POU6F2: variants seen among roughly 807,000 people sequenced by gnomAD.
POU6F2 encodes POU domain, class 6, transcription factor 2.
POU6F2 carries 31 observed loss-of-function variants against 71.3 expected under a neutral mutation model. The ratio of observed to expected loss-of-function variants is 0.43; its 90% CI spans 0.33 to 0.59. The LOEUF is 0.59. Ranked by LOEUF, POU6F2 falls within the 20% of genes least tolerant of loss-of-function variation. The pLI, the probability that POU6F2 is intolerant of heterozygous loss-of-function variation, is 0.04. For synonymous variants in POU6F2, 347 were observed against 355.7 expected, an observed-to-expected ratio of 0.98 and a Z score of 0.27; for missense variants, 783 against 856.8, an observed-to-expected ratio of 0.91 and a Z score of 1.07.
At chr7:38,994,374 C>G (rs1788682839) in intron 1 of POU6F2, among the ~76,000 whole-genome samples, 1 of 152,056 alleles carries the variant, frequency 6.6e-6, no homozygotes, top group African/African-American at 2.4e-5. Context: ...GGAATTGATT[C>G]TGCAGGTCCC....
At chr7:39,264,554 C>T (rs766749189) in intron 4 of POU6F2, among the ~76,000 whole-genome samples, 5 of 152,160 alleles carry the variant, frequency 3.3e-5, no homozygotes, top group East Asian at 1.9e-4. Context: ...AACCTGGCCA[C>T]TCAGTCCTCT....
intron 7 of POU6F2, among the ~76,000 whole-genome samples, chr7:39,448,198 C>T (rs1347985245): frequency 2.0e-5 from 3 of 152,134 alleles, no homozygotes; most frequent in Non-Finnish European, 2.9e-5. Context: ...TAAGGAAAGA[C>T]GTTATGAAGG....
At chr7:39,322,776 A>C (rs1341841525) in intron 4 of POU6F2, among the ~76,000 whole-genome samples, 1 of 152,246 alleles carries the variant, frequency 6.6e-6, no homozygotes, top group Non-Finnish European at 1.5e-5. Flanking sequence ...ATATATTTTC[A>C]AGAAAGGAAC....
At chr7:39,397,946 G>A (rs1369032118) in intron 5 of POU6F2, among the ~76,000 whole-genome samples, 2 of 151,532 alleles carry the variant, frequency 1.3e-5, no homozygotes, top group Non-Finnish European at 2.9e-5. Context: ...AGCCTCCCAA[G>A]TAGCTGGGAT....
In POU6F2 at chr7:39,200,835, T is replaced by C. The variant is rs567855427; in HGVS notation, c.278-3400T>C. Among the ~76,000 whole-genome samples the C allele has an allele frequency of 1.6e-4, 24 of 147,926 alleles. No homozygotes were observed. The Admixed American group carries it at 1.6e-3, about 10-fold the overall frequency. ...GACCAGTATGGGCAATGGAGTGAGA[T>C]GATTTCTGTACCAACAAGAAAAAAA... On this transcript the variant is annotated intron_variant, in intron 2 of 9. Coordinates refer to ENST00000518318, the MANE Select transcript of POU6F2 (RefSeq NM_001370959.1).
At chr7:39,362,647 G>A (rs574609513) in intron 5 of POU6F2, among the ~76,000 whole-genome samples, 1 of 152,202 alleles carries the variant, frequency 6.6e-6, no homozygotes, top group East Asian at 1.9e-4. Context: ...GCTAGGGCAG[G>A]AATCAAACAT....
chr7:39,391,881 AACATTGTGATAG>A (rs1276514082), intron 5 of POU6F2, among the ~76,000 whole-genome samples: 4 of 152,204 alleles, frequency 2.6e-5, no homozygotes, highest in Non-Finnish European at 5.9e-5. Flanking sequence ...CCTAGGATAG[AACATTGTGATAG>A]CTCTGATCAT....
At chr7:39,004,190 T>C (rs988439258) in intron 1 of POU6F2, among the ~76,000 whole-genome samples, 6 of 152,164 alleles carry the variant, frequency 3.9e-5, no homozygotes, top group Non-Finnish European at 5.9e-5. Flanking sequence ...AAATAACAAA[T>C]AAGAGCCTCC....
chr7:39,250,313 A>C (rs1006867536), intron 4 of POU6F2, among the ~76,000 whole-genome samples: 1 of 152,094 alleles, frequency 6.6e-6, no homozygotes. Context: ...GGTTTTCTCC[A>C]GGTTGTTTTT....
rs975146937 is a variant in POU6F2 at position 39,087,124 on chromosome 7, C to T, written c.277+1093C>T. On this transcript the variant is annotated intron_variant, in intron 2 of 9. Coordinates refer to ENST00000518318, the MANE Select transcript of POU6F2 (RefSeq NM_001370959.1). ...TACTTTGTTAAGAAAGTCAGCAATT[C>T]GGCTTGAAACACAGGCTTTATTAAT... is the stretch of plus-strand genomic sequence containing the variant. Among the ~76,000 whole-genome samples, 34 of 149,356 alleles carry T rather than the reference C, an allele frequency of 2.3e-4. 1 individual carries two copies. Among genetic ancestry groups the T allele is most frequent in the Admixed American group, 1.0e-3 (15 of 14,940 alleles).
At position 39,406,719 on chromosome 7, in the gene POU6F2, A is replaced by C. The variant is rs1308789081; in HGVS notation, c.1092A>C (p.Leu364=). 4 of 1,613,640 alleles carry C rather than the reference A, an allele frequency of 2.5e-6. No homozygotes were observed. The Admixed American group carries it at 5.0e-5, about 20-fold the overall frequency. Residue 364 remains leucine (L), a synonymous_variant, in exon 6 of 10, where the codon CTA becomes CTC. Coordinates refer to ENST00000518318, the MANE Select transcript of POU6F2 (RefSeq NM_001370959.1). ...GTCTTCAGGGGGTCACAGGTCAACT[A>C]GTTACTAATGCACAAGGACAGGTGA... ...LSSLQGVTGQ[L]VTNAQGQIIG...
chr7:39,175,156 C>T (rs1793303483), intron 2 of POU6F2, among the ~76,000 whole-genome samples: 1 of 152,018 alleles, frequency 6.6e-6, no homozygotes, highest in African/African-American at 2.4e-5. Flanking sequence ...CTTTTCTGTC[C>T]TCTATTTTTC....
chr7:39,445,850 ACATAACAGATC>A (rs1788511358), intron 7 of POU6F2, among the ~76,000 whole-genome samples: 1 of 152,164 alleles, frequency 6.6e-6, no homozygotes, highest in African/African-American at 2.4e-5. Flanking sequence ...TTTTGTCTAG[ACATAACAGATC>A]CACTTGCTCT....
At chr7:39,022,291 A>T (rs570444170) in intron 1 of POU6F2, among the ~76,000 whole-genome samples, 12 of 152,174 alleles carry the variant, frequency 7.9e-5, no homozygotes, top group Admixed American at 5.9e-4. Flanking sequence ...CTCAAAATTC[A>T]CTAAAATGAA....
At chr7:39,285,808 A>G (rs1415222662) in intron 4 of POU6F2, among the ~76,000 whole-genome samples, 2 of 152,136 alleles carry the variant, frequency 1.3e-5, no homozygotes, top group Non-Finnish European at 2.9e-5. Context: ...ATGTTCCCCC[A>G]TCTGTCAGCT....
Position 39,464,999 on chromosome 7 carries a change from C to G in POU6F2, c.*313C>G. ...CCCCCAAAGCCAGTTTTTTAATGGA[C>G]TTAAAGCAAACCAAATAACCACGTA... On this transcript the variant is annotated 3_prime_UTR_variant, in exon 10 of 10. Coordinates refer to ENST00000518318, the MANE Select transcript of POU6F2 (RefSeq NM_001370959.1). The surrounding 1 kb of genome is among the most constrained non-coding windows in gnomAD (Gnocchi z 4.1). The G allele has an allele frequency of 3.6e-6, 1 of 279,306 alleles. No homozygotes were observed. Among genetic ancestry groups the G allele is most frequent in the Admixed American group, 4.7e-5 (1 of 21,398 alleles). 17.3% of individuals were successfully genotyped at this position (279,306 alleles called of 1,614,324 possible).
At chr7:39,434,522 A>G (rs150103241) in intron 7 of POU6F2, among the ~76,000 whole-genome samples, 1 of 151,954 alleles carries the variant, frequency 6.6e-6, no homozygotes, top group Non-Finnish European at 1.5e-5. Context: ...CATAGTTGTG[A>G]TGATAGTGAT....
chr7:39,456,631 T>G (rs958893827), intron 8 of POU6F2, among the ~76,000 whole-genome samples: 1 of 152,178 alleles, frequency 6.6e-6, no homozygotes, highest in Admixed American at 6.5e-5. Context: ...ATGGGAAGAC[T>G]TTTGTAGTCT....
At chr7:39,198,657 T>C (rs1793832046) in intron 2 of POU6F2, among the ~76,000 whole-genome samples, 1 of 152,258 alleles carries the variant, frequency 6.6e-6, no homozygotes, top group Non-Finnish European at 1.5e-5. Context: ...CAAGCATGGC[T>C]TGTAGAATTA....
Sources: gnomAD v4.1 joint callset for allele counts (sites outside exome capture counted in the v4.1 genomes callset) on GRCh38, gnomAD v4.1.1 for gene constraint, Gnocchi (gnomAD v3.1) non-coding constraint, MANE v1.5 for transcripts, NCBI Gene and HGNC (gene_info 2026-07-23, HGNC 2026-07-21) for gene names.